The following SMARCA2 variants were observed in gnomAD, a reference collection of about 807,000 sequenced individuals.
The protein encoded by SMARCA2 is SWI/SNF related BAF chromatin remodeling complex subunit ATPase 2.
In SMARCA2, 61 loss-of-function variants were observed where a neutral mutation model predicts 199.8. The observed-to-expected ratio is 0.31, with a 90% CI of 0.25 to 0.38. The LOEUF (loss-of-function observed/expected upper bound fraction) is 0.38. SMARCA2 is among the 10% of genes least tolerant of loss of function. The pLI, the probability that SMARCA2 is intolerant of heterozygous loss-of-function variation, is 1.00. For missense variants in SMARCA2, 1,344 were observed against 2,012.2 expected, an observed-to-expected ratio of 0.67 and a Z score of 6.35; for synonymous variants, 935 against 732.0, an observed-to-expected ratio of 1.28 and a Z score of -4.48.
chr9:2,113,411 C>G (rs1196941783), intron 24 of SMARCA2, among the ~76,000 whole-genome samples: 2 of 152,194 alleles, frequency 1.3e-5, no homozygotes, highest in Non-Finnish European at 2.9e-5. Context: ...ACCCTCTTCT[C>G]AGACCAGGCT....
intron 28 of SMARCA2, among the ~76,000 whole-genome samples, chr9:2,165,117 A>G (rs1825872198): frequency 6.6e-6 from 1 of 152,206 alleles, no homozygotes; most frequent in African/African-American, 2.4e-5. Flanking sequence ...AGTTATTTAA[A>G]TAGTAACTCA....
chr9:2,117,713 T>C (rs993295547), intron 25 of SMARCA2, among the ~76,000 whole-genome samples: 20 of 152,202 alleles, frequency 1.3e-4, no homozygotes, highest in Admixed American at 1.2e-3. Context: ...TGATCTCCCC[T>C]GGGCCCGAGG....
chr9:2,120,819 G>A (rs1010257419), intron 26 of SMARCA2, among the ~76,000 whole-genome samples: 16 of 152,172 alleles, frequency 1.1e-4, no homozygotes, highest in African/African-American at 3.6e-4. Flanking sequence ...ATTTCAGAGA[G>A]GAATGGTAGT....
rs1252943829 is a variant in SMARCA2, at chr9:2,016,739, A to G, written c.-37+1335A>G. ...GAGCCTCCTCCCAACGATGACACGC[A>G]CTCCTTCCTTCTCGCTCCCTGCTCA... On this transcript the variant is annotated intron_variant, in intron 1 of 33. Transcript: ENST00000349721. The surrounding 1 kb of genome is among the most constrained non-coding windows in gnomAD (Gnocchi z 5.6). 6.6e-6 allele frequency among the ~76,000 whole-genome samples: 1 copy of G among 151,488 alleles called. No individual in the cohort carries two copies. Among genetic ancestry groups the G allele is most frequent in the Non-Finnish European group, 1.5e-5 (1 of 67,834 alleles).
intron 1 of SMARCA2, among the ~76,000 whole-genome samples, chr9:2,024,177 A>G (rs2130148130): frequency 6.6e-6 from 1 of 152,258 alleles, no homozygotes; most frequent in Non-Finnish European, 1.5e-5. Context: ...CTAGAAACCA[A>G]AAGTTTCTAG....
chr9:2,072,394 T>C (rs1821126419), intron 10 of SMARCA2, among the ~76,000 whole-genome samples: 1 of 152,234 alleles, frequency 6.6e-6, no homozygotes, highest in Non-Finnish European at 1.5e-5. Context: ...TCCTTGGATA[T>C]AGTAGTCTAG....
intron 1 of SMARCA2, among the ~76,000 whole-genome samples, chr9:2,021,473 C>G (rs2130132249): frequency 6.6e-6 from 1 of 152,326 alleles, no homozygotes; most frequent in South Asian, 2.1e-4. Flanking sequence ...TTATATATTT[C>G]TTTACCTACT....
rs1586724935 is a variant in SMARCA2 at position 2,119,396 on chromosome 9, T to C, written c.3685-62T>C. On this transcript the variant is annotated intron_variant, in intron 25 of 33. Coordinates refer to ENST00000349721, the MANE Select transcript of SMARCA2 (RefSeq NM_003070.5). The surrounding 1 kb of genome is among the most constrained non-coding windows in gnomAD (Gnocchi z 4.6). ...CCCTCTGGTCTGGAGGACAGATCAC[T>C]TACTTGTTTGTACCTTGCCCCAGCT... 2.1e-5 allele frequency: 23 copies of C among 1,088,416 alleles called. No homozygotes were observed. The East Asian group carries it at 5.4e-4, about 26-fold the overall frequency. The allele number at this position is 1,088,416 out of a possible 1,614,324, so 67.4% of individuals were successfully genotyped here.
At chr9:2,178,562 A>G (rs1207426270) in intron 29 of SMARCA2, among the ~76,000 whole-genome samples, 1 of 152,200 alleles carries the variant, frequency 6.6e-6, no homozygotes, top group Non-Finnish European at 1.5e-5. Context: ...CTTAAAAAGG[A>G]AAAAAGCAAC....
intron 24 of SMARCA2, among the ~76,000 whole-genome samples, chr9:2,111,913 G>A (rs987363843): frequency 6.6e-6 from 1 of 152,106 alleles, no homozygotes; most frequent in Non-Finnish European, 1.5e-5. Flanking sequence ...TTCTCTGTAG[G>A]TGAATAAATT....
In SMARCA2 at chr9:2,087,166, G is replaced by A. The variant is rs1821836331; in HGVS notation, c.2769+95G>A. 4.1e-6 allele frequency: 6 copies of A among 1,474,958 alleles called. No individual in the cohort carries two copies. The South Asian group carries it at 6.3e-5, about 16-fold the overall frequency. 91.4% of individuals were successfully genotyped at this position (1,474,958 alleles called of 1,614,324 possible). ...ACATTAGAGCCACAGAACACCCGCA[G>A]GGTGGTTTCCACTGTTGTTTATTTT... is the stretch of plus-strand genomic sequence containing the variant. On this transcript the variant is annotated intron_variant, in intron 18 of 33. Coordinates refer to ENST00000349721, the MANE Select transcript of SMARCA2 (RefSeq NM_003070.5).
Position 2,086,921 on chromosome 9 carries a change from C to A in SMARCA2, c.2619C>A (p.Ala873=). 2 of 1,614,140 alleles carry A rather than the reference C, an allele frequency of 1.2e-6. No homozygotes were observed. The highest frequency in any genetic ancestry group is 1.7e-6 in the Non-Finnish European group (2 of 1,180,010). ...AGGTCTTGAACACTCACTATGTGGC[C>A]CCCAGAAGGATCCTCTTGACTGGGA... The part of the protein sequence containing the change: ...LTQVLNTHYV[A]PRRILLTGTP... The change falls in exon 18 of 34, where the codon GCC becomes GCA. Residue 873 remains alanine, a synonymous_variant. Transcript: ENST00000349721. The surrounding 1 kb of genome is among the most constrained non-coding windows in gnomAD (Gnocchi z 4.3).
chr9:2,172,419 G>A (rs1826300795), intron 29 of SMARCA2, among the ~76,000 whole-genome samples: 2 of 151,684 alleles, frequency 1.3e-5, no homozygotes. Context: ...TCAAACAGAC[G>A]GGTGAAGGGA....
At chr9:2,076,468 C>G in intron 13 of SMARCA2, 139 bp downstream of exon 13, 1 of 605,480 alleles carries the variant, frequency 1.7e-6, no homozygotes, top group Admixed American at 2.8e-5. Flanking sequence ...TAGAGGTCAC[C>G]ACTGAGTTCT....
intron 10 of SMARCA2, among the ~76,000 whole-genome samples, chr9:2,071,669 C>T (rs1191696683): frequency 6.6e-6 from 1 of 152,100 alleles, no homozygotes; most frequent in Non-Finnish European, 1.5e-5. Context: ...AAATAATGTT[C>T]TTCTGTTCTC....
intron 12 of SMARCA2, among the ~76,000 whole-genome samples, 171 bp from the exon 13 acceptor site, chr9:2,076,058 T>A (rs1821311033): frequency 1.3e-5 from 2 of 152,226 alleles, no homozygotes; most frequent in African/African-American, 4.8e-5. Flanking sequence ...AGCAGTTGAA[T>A]TGGGGGTATT....
At chr9:2,191,724 A>G (rs956543620) in intron 33 of SMARCA2, 2 of 228,136 alleles carry the variant, frequency 8.8e-6, no homozygotes, top group Non-Finnish European at 1.7e-5. Context: ...TTAATATTTT[A>G]CATGCATCAC....
rs146992136 is a variant in SMARCA2 at position 2,124,972 on chromosome 9, G to A, written c.3981+1035G>A. The stretch of plus-strand genomic sequence containing the variant: ...CCAAGCAAAACAAAAGCTTTGGGGA[G>A]TTGTTCGTTTTATCCAAGGGGAGTA... On this transcript the variant is annotated intron_variant, in intron 27 of 33. Coordinates refer to ENST00000349721, the MANE Select transcript of SMARCA2 (RefSeq NM_003070.5). Among the ~76,000 whole-genome samples the A allele has an allele frequency of 1.1e-4, 16 of 152,286 alleles. No individual in the cohort carries two copies. The East Asian group carries it at 3.1e-3, about 29-fold the overall frequency.
intron 27 of SMARCA2, chr9:2,160,120 T>A: frequency 1.6e-6 from 1 of 609,108 alleles, no homozygotes; most frequent in South Asian, 2.6e-5. Flanking sequence ...GACAATTTCC[T>A]TTTCTTAATC....
Sources: allele counts gnomAD v4.1 joint callset (sites outside exome capture counted in the v4.1 genomes callset), GRCh38; gene constraint gnomAD v4.1.1; non-coding constraint Gnocchi (gnomAD v3.1); transcripts MANE v1.5; gene names NCBI Gene and HGNC (gene_info 2026-07-23, HGNC 2026-07-21).